Variants in ZBTB14 observed in about 807,000 individuals in gnomAD.
ZBTB14 encodes zinc finger and BTB domain containing 14.
ZBTB14 carries 8 observed loss-of-function variants against 29.5 expected under a neutral mutation model. The ratio of observed to expected loss-of-function variants is 0.27; its 90% CI spans 0.16 to 0.49. The LOEUF (loss-of-function observed/expected upper bound fraction) is 0.49. Ranked by LOEUF, ZBTB14 falls within the 20% of genes least tolerant of loss-of-function variation. ZBTB14 has a pLI of 0.99. For synonymous variants in ZBTB14, 226 were observed against 207.2 expected, an observed-to-expected ratio of 1.09 and a Z score of -0.78; for missense variants, 333 against 563.8, an observed-to-expected ratio of 0.59 and a Z score of 4.15.
chr18:5,294,882 T>A (rs904164967), intron 1 of ZBTB14: 1 of 151,902 alleles, frequency 6.6e-6, no homozygotes, highest in African/African-American at 2.4e-5. Context: ...AGCTTGCAAC[T>A]TCGGAGTCGG....
intron 3 of ZBTB14, 32 bp from the exon 4 acceptor site, chr18:5,292,236 A>T: frequency 1.4e-6 from 2 of 1,440,230 alleles, no homozygotes; most frequent in Non-Finnish European, 9.1e-7. Flanking sequence ...AGTAATTATA[A>T]ATAGTACTTT....
chr18:5,293,160 A>T, intron 3 of ZBTB14, 84 bp downstream of exon 3: 1 of 1,422,756 alleles, frequency 7.0e-7, no homozygotes, highest in Non-Finnish European at 9.7e-7. Context: ...AGAAGTGTTC[A>T]TGCACAATCA....
At position 5,290,846 on chromosome 18, in the gene ZBTB14, G is replaced by T; in HGVS notation, c.*12C>A. 1.9e-6 allele frequency: 3 copies of T among 1,608,650 alleles called. No individual in the cohort carries two copies. Among genetic ancestry groups the T allele is most frequent in the Non-Finnish European group, 2.5e-6 (3 of 1,176,968 alleles). On this transcript the variant is annotated 3_prime_UTR_variant, in exon 4 of 4. Transcript: ENST00000651870. Reference sequence around the variant, plus strand: ...TCCACTTTCCAGGCAAAGTGTCCCTGTCCCACCGCCTCTAGCTACAGGCTA... The same window carrying T: ...TCCACTTTCCAGGCAAAGTGTCCCTTTCCCACCGCCTCTAGCTACAGGCTA...
chr18:5,294,280 C>T (rs2071888081), intron 1 of ZBTB14, among the ~76,000 whole-genome samples: 1 of 152,204 alleles, frequency 6.6e-6, no homozygotes, highest in Non-Finnish European at 1.5e-5. Context: ...CGTGTTTCTG[C>T]CTCTCTATTC....
Position 5,293,259 on chromosome 18 carries a change from CTAT to C in ZBTB14, c.-16_-14del, listed in dbSNP as rs768421864. The C allele has an allele frequency of 3.2e-5, 52 of 1,613,182 alleles. 1 individual carries two copies. In the South Asian group the frequency reaches 3.8e-4, roughly 12 times the overall value. ...TTATAGTTACCATGAACAACTCAGGCTATTATCTTAATGCCTTGAACGCCAAAA... is the reference window on the plus strand; with the variant it reads ...TTATAGTTACCATGAACAACTCAGGCTATCTTAATGCCTTGAACGCCAAAA... On this transcript the variant is annotated 5_prime_UTR_variant, in exon 3 of 4. It removes the in-frame stop codon of an upstream open reading frame in the 5' UTR. Coordinates refer to ENST00000651870, the MANE Select transcript of ZBTB14 (RefSeq NM_001243702.2).
intron 3 of ZBTB14, 140 bp downstream of exon 3, chr18:5,293,104 A>G: frequency 2.1e-6 from 2 of 968,818 alleles, no homozygotes; most frequent in Non-Finnish European, 3.0e-6. Context: ...CCTTTTTAAA[A>G]ACATTGTTTT....
chr18:5,291,646 C>A lies in ZBTB14; in HGVS notation c.562G>T (p.Gly188Cys). ...VEGTPPSQED[G>C]KSPTTTLRVQ... ...CTGAGCGTTGTGGTGGGCGACTTGCCGTCCTCCTGACTCGGGGGTGTGCCT... is the reference window on the plus strand; with the variant it reads ...CTGAGCGTTGTGGTGGGCGACTTGCAGTCCTCCTGACTCGGGGGTGTGCCT... Residue 188 changes from glycine (G) to cysteine (C), a missense_variant, in exon 4 of 4, where the codon GGC (glycine) becomes TGC (cysteine). By Grantham distance (159) the Gly-to-Cys change is radical. Coordinates refer to ENST00000651870, the MANE Select transcript of ZBTB14 (RefSeq NM_001243702.2). This position sits in a 1 kb window ranked among gnomAD's most constrained non-coding sequence, Gnocchi z 5.8. The A allele has an allele frequency of 6.2e-7, 1 of 1,614,012 alleles. No homozygotes were observed. Among genetic ancestry groups the A allele is most frequent in the Non-Finnish European group, 8.5e-7 (1 of 1,180,016 alleles).
intron 3 of ZBTB14, 137 bp from the exon 4 acceptor site, chr18:5,292,341 T>C (rs1651121688): frequency 2.7e-6 from 2 of 734,392 alleles, no homozygotes; most frequent in African/African-American, 1.8e-5. Flanking sequence ...TCTTTGAATA[T>C]GGGTAGAAAA....
At chr18:5,294,337 G>A (rs1371700651) in intron 1 of ZBTB14, among the ~76,000 whole-genome samples, 1 of 152,194 alleles carries the variant, frequency 6.6e-6, no homozygotes, top group African/African-American at 2.4e-5. Flanking sequence ...AGGCAGCCCA[G>A]CAAAAACCTT....
At chr18:5,292,274 C>A in intron 3 of ZBTB14, 70 bp from the exon 4 acceptor site, 1 of 1,248,006 alleles carries the variant, frequency 8.0e-7, no homozygotes, top group Non-Finnish European at 1.1e-6. Context: ...GTCACATTTT[C>A]ATTTCCTGGT....
In ZBTB14 at chr18:5,291,878, T is replaced by C; in HGVS notation, c.330A>G (p.Ser110=). 6.2e-7 allele frequency: 1 copy of C among 1,614,226 alleles called. No homozygotes were observed. The highest frequency in any genetic ancestry group is 8.5e-7 in the Non-Finnish European group (1 of 1,180,046). The change falls in exon 4 of 4, where the codon TCA becomes TCG. Residue 110 remains serine, a synonymous_variant. Coordinates refer to ENST00000651870, the MANE Select transcript of ZBTB14 (RefSeq NM_001243702.2). This position sits in a 1 kb window ranked among gnomAD's most constrained non-coding sequence, Gnocchi z 5.8. The stretch of plus-strand genomic sequence containing the variant: ...ATCGGATACCAAGAATCTGACCCGA[T>C]GACATCATTAAGTTAACATCTTCTT... ...VKKEDVNLMM[S]SGQILGIRFL...
At chr18:5,292,279 C>T in intron 3 of ZBTB14, 75 bp from the exon 4 acceptor site, 1 of 1,224,048 alleles carries the variant, frequency 8.2e-7, no homozygotes, top group Non-Finnish European at 1.1e-6. Context: ...ATTTTCATTT[C>T]CTGGTCAATC....
At chr18:5,292,262 C>G in intron 3 of ZBTB14, 58 bp from the exon 4 acceptor site, 2 of 1,310,514 alleles carry the variant, frequency 1.5e-6, no homozygotes, top group Non-Finnish European at 1.0e-6. Context: ...ATAGAGAACA[C>G]AGTCACATTT....
intron 1 of ZBTB14, among the ~76,000 whole-genome samples, chr18:5,295,429 G>C (rs929736555): frequency 1.4e-5 from 2 of 145,096 alleles, no homozygotes; most frequent in African/African-American, 2.5e-5. Flanking sequence ...GGCGCCCGGC[G>C]GGCCGCGCTC....
At chr18:5,292,328 T>G in intron 3 of ZBTB14, 124 bp from the exon 4 acceptor site, 1 of 840,282 alleles carries the variant, frequency 1.2e-6, no homozygotes, top group East Asian at 2.8e-5. Context: ...ATGTTAAGAG[T>G]GGTCTTTGAA....
Position 5,295,270 on chromosome 18 carries a change from C to T in ZBTB14, c.-112+382G>A, listed in dbSNP as rs1280171415. Among the ~76,000 whole-genome samples the T allele has an allele frequency of 2.8e-5, 4 of 145,044 alleles. No individual in the cohort carries two copies. In the East Asian group the frequency reaches 8.3e-4, roughly 30 times the overall value. On this transcript the variant is annotated intron_variant, in intron 1 of 3. Coordinates refer to ENST00000651870, the MANE Select transcript of ZBTB14 (RefSeq NM_001243702.2). The stretch of plus-strand genomic sequence containing the variant: ...CCGGCCAGCTCGCGCCGGGCCCTCC[C>T]CCGCCCTCCCGCGGCCGGGGGCGGG...
chr18:5,295,584 GC>G (rs1448993572), intron 1 of ZBTB14, 67 bp downstream of exon 1: 6 of 144,642 alleles, frequency 4.1e-5, no homozygotes, highest in Non-Finnish European at 9.2e-5. Context: ...CCGCTCGCCG[GC>G]CCGCGCGGCC....
intron 1 of ZBTB14, 150 bp downstream of exon 1, chr18:5,295,502 G>A (rs1253205554): frequency 6.9e-6 from 1 of 144,704 alleles, no homozygotes; most frequent in East Asian, 2.0e-4. Flanking sequence ...GAGCGGGGGC[G>A]GCCATGAACT....
intron 1 of ZBTB14, among the ~76,000 whole-genome samples, chr18:5,295,361 GC>G (rs1328136091): frequency 2.1e-5 from 3 of 143,272 alleles, no homozygotes; most frequent in Non-Finnish European, 4.6e-5. Flanking sequence ...CTGGGTCCCG[GC>G]CCCCTCCTCC....
Sources: allele counts gnomAD v4.1 joint callset (sites outside exome capture counted in the v4.1 genomes callset), GRCh38; gene constraint gnomAD v4.1.1; non-coding constraint Gnocchi (gnomAD v3.1); transcripts MANE v1.5; gene names NCBI Gene and HGNC (gene_info 2026-07-23, HGNC 2026-07-21).